The following PRRG3 variants were observed in gnomAD, a reference collection of about 807,000 sequenced individuals.
PRRG3 encodes transmembrane gamma-carboxyglutamic acid protein 3.
Under a neutral mutation model 15.8 loss-of-function variants are expected in PRRG3, and 21 were observed. The ratio of observed to expected loss-of-function variants is 1.33; its 90% CI spans 0.94 to 1.92. The LOEUF (loss-of-function observed/expected upper bound fraction) is 1.92, where lower values mean the gene tolerates loss of function less well. Among genes scored for constraint, PRRG3 ranks in the 40% most tolerant of loss-of-function variants. The pLI is 0.00. For missense variants in PRRG3, 251 were observed against 200.2 expected, an observed-to-expected ratio of 1.25 and a Z score of -1.53; for synonymous variants, 125 against 84.1, an observed-to-expected ratio of 1.49 and a Z score of -2.66.
In PRRG3 at chrX:151,698,758, G is replaced by A. The variant is rs769382578; in HGVS notation, c.-31-26G>A. On this transcript the variant is annotated intron_variant, in intron 1 of 3. Coordinates refer to ENST00000674457, the MANE Select transcript of PRRG3 (RefSeq NM_001372163.1). ...GTAAATTTCTAGATGTGGTTTCACT[G>A]CAACTTTGCTTTTCTCTTACTCCAG... 13 of 1,158,265 alleles carry A rather than the reference G, an allele frequency of 1.1e-5. No individual in the cohort carries two copies. In the East Asian group the frequency reaches 3.9e-4, roughly 35 times the overall value.
intron 1 of PRRG3, among the ~76,000 whole-genome samples, chrX:151,697,448 G>GC (rs1370257500): frequency 9.0e-6 from 1 of 111,400 alleles, no homozygotes; most frequent in Non-Finnish European, 1.9e-5. Flanking sequence ...ATAGGCATGA[G>GC]CCACCGCGAC....
At chrX:151,696,977 TTTTCTCTC>T (rs1394311849) in intron 1 of PRRG3, among the ~76,000 whole-genome samples, 22 of 110,837 alleles carry the variant, frequency 2.0e-4, no homozygotes, top group East Asian at 1.1e-3. Flanking sequence ...CTTTTCTTTC[TTTTCTCTC>T]TTTCTCTCTT....
Position 151,703,824 on chromosome X carries a change from C to G in PRRG3, c.*2791C>G. The G allele has an allele frequency of 1.1e-5, 1 of 92,449 alleles. No homozygotes were observed. Among genetic ancestry groups the G allele is most frequent in the African/African-American group, 4.1e-5 (1 of 24,222 alleles). The allele number at this position is 92,449 out of a possible 1,213,427, so 7.6% of individuals were successfully genotyped here. The stretch of plus-strand genomic sequence containing the variant: ...CAGGCTTCTGTTCTGTGGGTGTCAG[C>G]AGCTGAAAGAAATCTGAGTACTCCT... On this transcript the variant is annotated 3_prime_UTR_variant, in exon 4 of 4. Coordinates refer to ENST00000674457, the MANE Select transcript of PRRG3 (RefSeq NM_001372163.1).
chrX:151,700,679 C>G lies in PRRG3; in HGVS notation c.342C>G (p.Ser114=), dbSNP rs772996429. The G allele has an allele frequency of 1.7e-5, 20 of 1,209,142 alleles. No homozygotes were observed. The highest frequency in any genetic ancestry group is 1.6e-4 in the South Asian group (9 of 56,639). ...QLQKATRHHP[S]YAQNRYLASR... ...AGAAAGCGACCCGTCACCACCCCTC[C>G]TATGCTCAGAACCGGTACCTAGCCA... is the stretch of plus-strand genomic sequence containing the variant. The change falls in exon 4 of 4, where the codon TCC becomes TCG. Residue 114 remains serine (S), a synonymous_variant. Transcript: ENST00000674457.
Position 151,701,845 on chromosome X carries a change from C to T in PRRG3, c.*812C>T, listed in dbSNP as rs2014892190. ...TGGACCAGCTGTGTTCAAACCACTA[C>T]CCACTGGCATGAGCCTACTTTTTGC... On this transcript the variant is annotated 3_prime_UTR_variant, in exon 4 of 4. Coordinates refer to ENST00000674457, the MANE Select transcript of PRRG3 (RefSeq NM_001372163.1). 8.9e-6 allele frequency: 1 copy of T among 112,761 alleles called. No individual in the cohort carries two copies. Among genetic ancestry groups the T allele is most frequent in the Admixed American group, 9.3e-5 (1 of 10,730 alleles). 9.3% of individuals were successfully genotyped at this position (112,761 alleles called of 1,213,427 possible). A position where few individuals can be genotyped will look rare whatever the true frequency, so the allele number is the denominator to read the frequency against.
At chrX:151,700,227 A>G (rs776286978) in intron 3 of PRRG3, 71 bp downstream of exon 3, 1 of 1,206,213 alleles carries the variant, frequency 8.3e-7, no homozygotes, top group South Asian at 1.8e-5. Context: ...GGCCCTGGTA[A>G]TGCAGACCAA....
intron 3 of PRRG3, 160 bp downstream of exon 3, chrX:151,700,316 A>G: frequency 8.7e-7 from 1 of 1,147,410 alleles, no homozygotes; most frequent in African/African-American, 1.8e-5. Flanking sequence ...GTACAGTCCC[A>G]TTGCCTGACT....
In PRRG3 at chrX:151,700,832, C is replaced by T; in HGVS notation, c.495C>T (p.Gly165=). 1 of 1,195,175 alleles carries T rather than the reference C, an allele frequency of 8.4e-7. No homozygotes were observed. The highest frequency in any genetic ancestry group is 3.0e-5 in the East Asian group (1 of 33,470). ...TGGTGCTGGGGCCCAGTCGGGGGGG[C>T]AGGACCACAGTCCGGCTAGAGAGCA... ...PQVVLGPSRG[G]RTTVRLESTL... Residue 165 remains glycine (G), a synonymous_variant, in exon 4 of 4, where the codon GGC becomes GGT. Transcript: ENST00000674457.
In PRRG3 at chrX:151,704,111, G is replaced by C. The variant is rs772634541; in HGVS notation, c.*3078G>C. 33 of 108,906 alleles carry C rather than the reference G, an allele frequency of 3.0e-4. No individual in the cohort carries two copies. Among genetic ancestry groups the C allele is most frequent in the African/African-American group, 1.1e-3 (33 of 29,838 alleles). 9.0% of individuals were successfully genotyped at this position (108,906 alleles called of 1,213,427 possible). ...TTTAAGATTTTTTAAAAGAAAAATC[G>C]AAATCCTGTCCCTCCCCCGCTTCCC... is the stretch of plus-strand genomic sequence containing the variant. On this transcript the variant is annotated 3_prime_UTR_variant, in exon 4 of 4. Coordinates refer to ENST00000674457, the MANE Select transcript of PRRG3 (RefSeq NM_001372163.1).
In PRRG3 at chrX:151,704,499, C is replaced by G. The variant is rs2014946893; in HGVS notation, c.*3466C>G. On this transcript the variant is annotated 3_prime_UTR_variant, in exon 4 of 4. Coordinates refer to ENST00000674457, the MANE Select transcript of PRRG3 (RefSeq NM_001372163.1). ...CAGCCAGAGTTGATCTTTTGACAAC[C>G]CAGTGACATCCCATGAGAAGGAAGA... is the stretch of plus-strand genomic sequence containing the variant. 9.0e-6 allele frequency: 1 copy of G among 111,489 alleles called. No individual in the cohort carries two copies. Among genetic ancestry groups the G allele is most frequent in the Admixed American group, 9.5e-5 (1 of 10,561 alleles). The allele number at this position is 111,489 out of a possible 1,213,427, so 9.2% of individuals were successfully genotyped here.
intron 1 of PRRG3, chrX:151,698,175 C>T (rs1488267069): frequency 9.0e-6 from 1 of 111,716 alleles, no homozygotes; most frequent in Non-Finnish European, 1.9e-5. Flanking sequence ...GAAGATGTGT[C>T]CACTGAAGGT....
rs185051106 is a variant in PRRG3 at position 151,698,689 on chromosome X, C to T, written c.-31-95C>T. 75 of 658,516 alleles carry T rather than the reference C, an allele frequency of 1.1e-4. No homozygotes were observed. In the Middle Eastern group the frequency reaches 1.3e-3, roughly 12 times the overall value. 54.3% of individuals were successfully genotyped at this position (658,516 alleles called of 1,213,427 possible). On this transcript the variant is annotated intron_variant, in intron 1 of 3. Transcript: ENST00000674457. ...AGGTGCTGCTTCAACCTTTTGACCACGCCAGTGGGAGGGGGGCACATCCCA... is the reference window on the plus strand; with the variant it reads ...AGGTGCTGCTTCAACCTTTTGACCATGCCAGTGGGAGGGGGGCACATCCCA...
At chrX:151,698,679 C>T (rs1475596075) in intron 1 of PRRG3, 105 bp from the exon 2 acceptor site, 2 of 598,701 alleles carry the variant, frequency 3.3e-6, no homozygotes, top group Non-Finnish European at 5.3e-6. Flanking sequence ...CTGCTTCAAC[C>T]TTTTGACCAC....
Position 151,701,110 on chromosome X carries a change from G to C in PRRG3, c.*77G>C. On this transcript the variant is annotated 3_prime_UTR_variant, in exon 4 of 4. Transcript: ENST00000674457. ...TTTTCTTTTTAACTTTTTAAAGACTGTGCCACCACAAAACAGCCTTAGCCT... is the reference window on the plus strand; with the variant it reads ...TTTTCTTTTTAACTTTTTAAAGACTCTGCCACCACAAAACAGCCTTAGCCT... 1.1e-6 allele frequency: 1 copy of C among 944,055 alleles called. No homozygotes were observed. Among genetic ancestry groups the C allele is most frequent in the African/African-American group, 1.9e-5 (1 of 51,805 alleles). 77.8% of individuals were successfully genotyped at this position (944,055 alleles called of 1,213,427 possible).
Position 151,701,189 on chromosome X carries a change from A to T in PRRG3, c.*156A>T. The T allele has an allele frequency of 2.0e-6, 1 of 495,619 alleles. No homozygotes were observed. The highest frequency in any genetic ancestry group is 3.0e-6 in the Non-Finnish European group (1 of 338,730). The allele number at this position is 495,619 out of a possible 1,213,427, so 40.8% of individuals were successfully genotyped here. A position where few individuals can be genotyped will look rare whatever the true frequency, so the allele number is the denominator to read the frequency against. On this transcript the variant is annotated 3_prime_UTR_variant, in exon 4 of 4. Coordinates refer to ENST00000674457, the MANE Select transcript of PRRG3 (RefSeq NM_001372163.1). ...GGAGTTTTAGGAAGTCAGTTGTCAGAGACAGGTGGGGAGGGTGGGGGTAGG... is the reference window on the plus strand; with the variant it reads ...GGAGTTTTAGGAAGTCAGTTGTCAGTGACAGGTGGGGAGGGTGGGGGTAGG...
At position 151,703,609 on chromosome X, in the gene PRRG3, T is replaced by G. The variant is rs1331094113; in HGVS notation, c.*2576T>G. 1 of 111,064 alleles carries G rather than the reference T, an allele frequency of 9.0e-6. No homozygotes were observed. The highest frequency in any genetic ancestry group is 1.9e-5 in the Non-Finnish European group (1 of 52,995). The allele number at this position is 111,064 out of a possible 1,213,427, so 9.2% of individuals were successfully genotyped here. The stretch of plus-strand genomic sequence containing the variant: ...GGAATGTCACCTCCCCTCGCAGGGC[T>G]GAGTAGCCTGATGACAGGGCCCTGA... On this transcript the variant is annotated 3_prime_UTR_variant, in exon 4 of 4. Coordinates refer to ENST00000674457, the MANE Select transcript of PRRG3 (RefSeq NM_001372163.1).
chrX:151,703,902 TTTTTTTTTTTTGTGTG>T lies in PRRG3; in HGVS notation c.*2871_*2886del, dbSNP rs1344655353. On this transcript the variant is annotated 3_prime_UTR_variant, in exon 4 of 4. Coordinates refer to ENST00000674457, the MANE Select transcript of PRRG3 (RefSeq NM_001372163.1). ...TTTTTTTTTTTTTTTTTTTTTTTTT[TTTTTTTTTTTTGTGTG>T]TGTGTGTGTGTGTGTGTGTGTGTGT... The T allele has an allele frequency of 2.1e-5, 1 of 47,978 alleles. No individual in the cohort carries two copies. Among genetic ancestry groups the T allele is most frequent in the African/African-American group, 9.9e-5 (1 of 10,082 alleles). 4.0% of individuals were successfully genotyped at this position (47,978 alleles called of 1,213,427 possible).
At chrX:151,695,452 G>A (rs1349472546), upstream of PRRG3, 1 of 111,752 alleles carries the variant, frequency 8.9e-6, no homozygotes, top group Non-Finnish European at 1.9e-5. Flanking sequence ...GGAGCAGGTG[G>A]GCGGGGACAG....
intron 3 of PRRG3, 157 bp downstream of exon 3, chrX:151,700,313 C>T (rs761597019): frequency 2.6e-6 from 3 of 1,146,266 alleles, no homozygotes. Flanking sequence ...TACGTACAGT[C>T]CCATTGCCTG....
Sources: gnomAD v4.1 joint callset for allele counts (sites outside exome capture counted in the v4.1 genomes callset) on GRCh38, gnomAD v4.1.1 for gene constraint, MANE v1.5 for transcripts, NCBI Gene and HGNC (gene_info 2026-07-23, HGNC 2026-07-21) for gene names.